Variants in RHEX observed in about 807,000 individuals in gnomAD.
The protein encoded by RHEX is regulator of hemoglobinization and erythroid cell expansion, also known as regulator of hemoglobinization and erythroid cell expansion protein.
Under a neutral mutation model 20.1 loss-of-function variants are expected in RHEX, and 18 were observed. That is an observed-to-expected ratio of 0.90 (90% CI 0.62 to 1.33). The LOEUF (loss-of-function observed/expected upper bound fraction) is 1.33, where lower values mean the gene tolerates loss of function less well. RHEX is among the 40% of genes most tolerant of loss of function. RHEX has a pLI of 0.00. For synonymous variants in RHEX, 87 were observed against 77.1 expected (o/e 1.13, Z -0.67); for missense variants, 192 against 214.3 (o/e 0.90, Z 0.65).
At chr1:206,083,400 A>G (rs782819240) in intron 1 of RHEX, 1 of 489,584 alleles carries the variant, frequency 2.0e-6, no homozygotes, top group Non-Finnish European at 2.7e-6. Flanking sequence ...TGTACCAGGG[A>G]GCTGGGCAGA....
intron 1 of RHEX, chr1:206,083,410 A>G: frequency 1.5e-6 from 1 of 675,628 alleles, no homozygotes; most frequent in Non-Finnish European, 1.8e-6. Flanking sequence ...AGCTGGGCAG[A>G]GCATGGCCAA....
At chr1:206,100,249 T>C (rs1558181061) in intron 4 of RHEX, among the ~76,000 whole-genome samples, 1 of 152,166 alleles carries the variant, frequency 6.6e-6, no homozygotes, top group Non-Finnish European at 1.5e-5. Flanking sequence ...TGGTCTTAGA[T>C]CTGCATGGGT....
rs147713087 is a variant in RHEX at position 206,079,728 on chromosome 1, A to G, written c.-96-18005A>G. 2.3e-3 allele frequency among the ~76,000 whole-genome samples: 345 copies of G among 152,150 alleles called. 1 individual carries two copies. Among genetic ancestry groups the G allele is most frequent in the African/African-American group, 8.0e-3 (332 of 41,522 alleles). On this transcript the variant is annotated intron_variant, in intron 1 of 5. Coordinates refer to ENST00000331555, the MANE Select transcript of RHEX (RefSeq NM_001007544.4). The stretch of plus-strand genomic sequence containing the variant: ...GTGCTACCACGCCGGGCTAATTTTT[A>G]AATTTTTAGTAGAGACGGGGTTTCA...
intron 1 of RHEX, among the ~76,000 whole-genome samples, chr1:206,089,677 T>C (rs1553286772): frequency 6.6e-6 from 1 of 152,130 alleles, no homozygotes; most frequent in African/African-American, 2.4e-5. Flanking sequence ...CTTAAAAATT[T>C]ATATAAACCA....
chr1:206,083,401 G>A (rs1553286136), intron 1 of RHEX: 1 of 518,568 alleles, frequency 1.9e-6, no homozygotes, highest in Non-Finnish European at 2.5e-6. Flanking sequence ...GTACCAGGGA[G>A]CTGGGCAGAG....
intron 1 of RHEX, among the ~76,000 whole-genome samples, chr1:206,084,625 T>C (rs1662802228): frequency 6.6e-6 from 1 of 152,180 alleles, no homozygotes; most frequent in South Asian, 2.1e-4. Context: ...GACTTGTTGA[T>C]TGGCTGATCC....
rs868991165 is a variant in RHEX, at chr1:206,067,501, T to C, written c.-97+14236T>C. 1.1e-4 allele frequency among the ~76,000 whole-genome samples: 17 copies of C among 152,222 alleles called. No individual in the cohort carries two copies. The highest frequency in any genetic ancestry group is 3.6e-4 in the African/African-American group (15 of 41,448). The stretch of plus-strand genomic sequence containing the variant: ...AATGATGAATAAGCAAAGGGTAATG[T>C]AGAAGAAGAAATTTTCATTTAAAAC... On this transcript the variant is annotated intron_variant, in intron 1 of 5. Coordinates refer to ENST00000331555, the MANE Select transcript of RHEX (RefSeq NM_001007544.4). This position sits in a 1 kb window ranked among gnomAD's most constrained non-coding sequence, Gnocchi z 4.6.
At position 206,101,127 on chromosome 1, in the gene RHEX, T is replaced by C. The variant is rs1663177559; in HGVS notation, c.257-9T>C. 6.2e-7 allele frequency: 1 copy of C among 1,610,138 alleles called. No homozygotes were observed. Among genetic ancestry groups the C allele is most frequent in the African/African-American group, 1.3e-5 (1 of 74,756 alleles). ...CTTTGGAAGAGGAACCGTTTCTATT[T>C]CTCCCCAGATGACAGCGACACACCC... On this transcript the variant is annotated splice_polypyrimidine_tract_variant and intron_variant, in intron 4 of 5. Transcript: ENST00000331555.
chr1:206,097,676 C>T (rs1663100756), intron 1 of RHEX, 57 bp from the exon 2 acceptor site: 2 of 1,154,986 alleles, frequency 1.7e-6, no homozygotes, highest in African/African-American at 1.5e-5. Flanking sequence ...TGAGTTTGCC[C>T]AAGGGAAATT....
chr1:206,069,795 T>C (rs1553284486), intron 1 of RHEX, among the ~76,000 whole-genome samples: 1 of 152,200 alleles, frequency 6.6e-6, no homozygotes, highest in Non-Finnish European at 1.5e-5. Context: ...TCTACAACTT[T>C]CGAGGGCTGG....
In RHEX at chr1:206,063,845, G is replaced by A. The variant is rs1304102005; in HGVS notation, c.-97+10580G>A. ...TGGGAAGTGAGGAGCGTCTCTGCCT[G>A]GCCGCCCATCGTCTGGGATGTGAGG... On this transcript the variant is annotated intron_variant, in intron 1 of 5. Coordinates refer to ENST00000331555, the MANE Select transcript of RHEX (RefSeq NM_001007544.4). Among the ~76,000 whole-genome samples, 3 of 151,680 alleles carry A rather than the reference G, an allele frequency of 2.0e-5. No individual in the cohort carries two copies. In the East Asian group the frequency reaches 5.9e-4, roughly 30 times the overall value.
chr1:206,102,003 A>C lies in RHEX; in HGVS notation c.*51A>C. 1 of 1,431,610 alleles carries C rather than the reference A, an allele frequency of 7.0e-7. No individual in the cohort carries two copies. The highest frequency in any genetic ancestry group is 9.8e-7 in the Non-Finnish European group (1 of 1,018,172). The allele number at this position is 1,431,610 out of a possible 1,614,324, so 88.7% of individuals were successfully genotyped here. A position where few individuals can be genotyped will look rare whatever the true frequency, so the allele number is the denominator to read the frequency against. ...AGTTCTCTATGGATTCTTACATTTA[A>C]TTTGTAGGGAAATGCCATTTTTCCC... On this transcript the variant is annotated 3_prime_UTR_variant, in exon 6 of 6. Coordinates refer to ENST00000331555, the MANE Select transcript of RHEX (RefSeq NM_001007544.4).
chr1:206,091,159 T>TA (rs1338110809), intron 1 of RHEX, among the ~76,000 whole-genome samples: 2 of 152,166 alleles, frequency 1.3e-5, no homozygotes, highest in Admixed American at 6.6e-5. Flanking sequence ...CTCTGTTAAT[T>TA]AAAAAATAAT....
intron 1 of RHEX, among the ~76,000 whole-genome samples, chr1:206,096,594 C>A (rs1024633173): frequency 6.6e-6 from 1 of 152,212 alleles, no homozygotes; most frequent in South Asian, 2.1e-4. Flanking sequence ...GGGGGCTTAT[C>A]CAAAATTAGA....
At chr1:206,091,987 G>A (rs1662959675) in intron 1 of RHEX, among the ~76,000 whole-genome samples, 1 of 152,136 alleles carries the variant, frequency 6.6e-6, no homozygotes, top group South Asian at 2.1e-4. Flanking sequence ...GACAGGTATT[G>A]AGGAGGTAAG....
At chr1:206,091,400 T>C (rs928078424) in intron 1 of RHEX, among the ~76,000 whole-genome samples, 9 of 152,238 alleles carry the variant, frequency 5.9e-5, no homozygotes, top group African/African-American at 1.9e-4. Context: ...TTTTGTCAGA[T>C]ACTGATTATT....
rs563167418 is a variant in RHEX at position 206,067,893 on chromosome 1, C to T, written c.-97+14628C>T. 2.6e-5 allele frequency among the ~76,000 whole-genome samples: 4 copies of T among 152,212 alleles called. No individual in the cohort carries two copies. The East Asian group carries it at 5.8e-4, about 22-fold the overall frequency. On this transcript the variant is annotated intron_variant, in intron 1 of 5. Coordinates refer to ENST00000331555, the MANE Select transcript of RHEX (RefSeq NM_001007544.4). The surrounding 1 kb of genome is among the most constrained non-coding windows in gnomAD (Gnocchi z 4.6). ...CTGTGACGCCAGCCCCAGCCAGTTG[C>T]ACCTGCAACAGATGACAGCTACTTC...
At chr1:206,065,356 C>T (rs543851206) in intron 1 of RHEX, among the ~76,000 whole-genome samples, 13 of 152,132 alleles carry the variant, frequency 8.5e-5, no homozygotes, top group African/African-American at 2.4e-4. Flanking sequence ...GGTGGTAATG[C>T]AGGAATGCCC....
At chr1:206,094,413 T>C (rs1477567384) in intron 1 of RHEX, among the ~76,000 whole-genome samples, 7 of 152,232 alleles carry the variant, frequency 4.6e-5, no homozygotes, top group Admixed American at 2.0e-4. Context: ...CAATTTTTAA[T>C]AGTTCTAGTC....
Sources: allele counts gnomAD v4.1 joint callset (sites outside exome capture counted in the v4.1 genomes callset), GRCh38; gene constraint gnomAD v4.1.1; non-coding constraint Gnocchi (gnomAD v3.1); transcripts MANE v1.5; gene names NCBI Gene and HGNC (gene_info 2026-07-23, HGNC 2026-07-21).